The following ST18 variants were observed in gnomAD, a reference collection of about 807,000 sequenced individuals.
ST18 encodes ST18 C2H2C-type zinc finger transcription factor.
A neutral mutation model predicts 110.0 loss-of-function variants in ST18; 50 were observed. The observed-to-expected ratio is 0.45, with a 90% confidence interval of 0.36 to 0.58. The LOEUF (loss-of-function observed/expected upper bound fraction) is 0.58. ST18 is among the 20% of genes least tolerant of loss of function. The probability of loss-of-function intolerance (pLI) is 0.00; values close to 1 mark genes in which losing one functional copy is unlikely to be tolerated. For missense variants in ST18, 1,306 were observed against 1,280.1 expected, an observed-to-expected ratio of 1.02 and a Z score of -0.31; for synonymous variants, 461 against 452.4, an observed-to-expected ratio of 1.02 and a Z score of -0.24.
chr8:52,211,925 C>T (rs1588569053), intron 8 of ST18, among the ~76,000 whole-genome samples, 154 bp downstream of exon 8: 2 of 152,138 alleles, frequency 1.3e-5, no homozygotes, highest in African/African-American at 2.4e-5. Context: ...CATTCTCCTC[C>T]GCCTTCTTGG....
chr8:52,161,874 T>C (rs1160597872), intron 13 of ST18, among the ~76,000 whole-genome samples: 4 of 152,214 alleles, frequency 2.6e-5, no homozygotes, highest in Non-Finnish European at 5.9e-5. Flanking sequence ...TGAGCAGATA[T>C]TTGATGCTTA....
chr8:52,347,215 T>C (rs1009022642), intron 2 of ST18, among the ~76,000 whole-genome samples: 2 of 152,208 alleles, frequency 1.3e-5, no homozygotes, highest in Non-Finnish European at 2.9e-5. Context: ...ATAATATAAA[T>C]AGTAAATCTG....
intron 2 of ST18, among the ~76,000 whole-genome samples, chr8:52,241,329 A>C (rs1241851852): frequency 6.6e-6 from 1 of 152,242 alleles, no homozygotes; most frequent in African/African-American, 2.4e-5. Flanking sequence ...TGTTTCCTCT[A>C]AACAAAGGTG....
chr8:52,257,254 G>A (rs560732062), intron 2 of ST18, among the ~76,000 whole-genome samples: 1 of 152,270 alleles, frequency 6.6e-6, no homozygotes, highest in African/African-American at 2.4e-5. Context: ...TCATGTACAA[G>A]TGTTTGTGTG....
intron 19 of ST18, among the ~76,000 whole-genome samples, chr8:52,135,568 C>CAA (rs71252929): frequency 6.4e-3 from 351 of 54,932 alleles, no homozygotes; most frequent in Non-Finnish European, 8.3e-3. Context: ...AACTCCATCT[C>CAA]AAAAAAAAAA....
intron 2 of ST18, among the ~76,000 whole-genome samples, chr8:52,369,832 A>G (rs1406723393): frequency 2.0e-5 from 3 of 152,208 alleles, no homozygotes; most frequent in Non-Finnish European, 2.9e-5. Flanking sequence ...AATAATTGCC[A>G]TCCCTGCTTA....
At chr8:52,361,755 T>C (rs998046739) in intron 2 of ST18, among the ~76,000 whole-genome samples, 2 of 152,158 alleles carry the variant, frequency 1.3e-5, no homozygotes, top group Non-Finnish European at 2.9e-5. Flanking sequence ...GAACAAATGT[T>C]TTAATTATTT....
At chr8:52,279,795 C>T (rs1200751946) in intron 2 of ST18, among the ~76,000 whole-genome samples, 1 of 152,140 alleles carries the variant, frequency 6.6e-6, no homozygotes, top group East Asian at 1.9e-4. Context: ...TCTGTCTTCA[C>T]TATCTTCAAA....
chr8:52,271,675 C>T (rs1177671679), intron 2 of ST18, among the ~76,000 whole-genome samples: 1 of 152,184 alleles, frequency 6.6e-6, no homozygotes, highest in African/African-American at 2.4e-5. Context: ...ATTTATCTTC[C>T]TTCCTAACAT....
intron 2 of ST18, among the ~76,000 whole-genome samples, chr8:52,252,116 A>C (rs188126358): frequency 1.2e-4 from 18 of 152,172 alleles, no homozygotes; most frequent in African/African-American, 4.1e-4. Context: ...AATAGCTATA[A>C]ATTTTGTTTA....
At chr8:52,131,582 C>T (rs80203974) in intron 22 of ST18, among the ~76,000 whole-genome samples, 2,381 of 152,148 alleles carry the variant, frequency 0.016, 52 homozygotes, top group African/African-American at 0.054. Flanking sequence ...AGAGGGAATG[C>T]TATAAATATG....
intron 2 of ST18, among the ~76,000 whole-genome samples, chr8:52,316,677 T>C (rs1218287999): frequency 1.3e-5 from 2 of 152,260 alleles, no homozygotes; most frequent in Non-Finnish European, 2.9e-5. Context: ...CACTATCACC[T>C]ATGTATAGAG....
chr8:52,367,403 T>C (rs893969414), intron 2 of ST18, among the ~76,000 whole-genome samples: 16 of 151,932 alleles, frequency 1.1e-4, no homozygotes, highest in African/African-American at 2.4e-4. Context: ...GCCTGGGCAA[T>C]AGAGTGAGAC....
At chr8:52,331,518 A>C (rs191999459) in intron 2 of ST18, among the ~76,000 whole-genome samples, 2 of 152,250 alleles carry the variant, frequency 1.3e-5, no homozygotes, top group Non-Finnish European at 2.9e-5. Flanking sequence ...GCAATGAGAA[A>C]CGAAAAGGGA....
intron 2 of ST18, among the ~76,000 whole-genome samples, chr8:52,305,783 ACC>A (rs1466317248): frequency 2.0e-5 from 3 of 152,176 alleles, no homozygotes; most frequent in Non-Finnish European, 4.4e-5. Flanking sequence ...ATGCCCATCT[ACC>A]ACCATGGTGC....
chr8:52,165,540 G>A (rs989829555), intron 11 of ST18, among the ~76,000 whole-genome samples: 1 of 152,212 alleles, frequency 6.6e-6, no homozygotes, highest in African/African-American at 2.4e-5. Context: ...TTCCCTGGGG[G>A]ATGGATGGAG....
chr8:52,213,809 G>A (rs994875164), intron 7 of ST18, among the ~76,000 whole-genome samples: 2 of 152,208 alleles, frequency 1.3e-5, no homozygotes, highest in African/African-American at 4.8e-5. Flanking sequence ...CACTAAACCA[G>A]ATAACATAAA....
rs1313543355 is a variant in ST18 at position 52,175,033 on chromosome 8, C to A, written c.278-2450G>T. ...TCTGCCACTGAACTGACCTAAAAAG[C>A]CCTGTTGTTAGCATCAGGTGGACCT... On this transcript the variant is annotated intron_variant, in intron 9 of 25. Coordinates refer to ENST00000689386, the MANE Select transcript of ST18 (RefSeq NM_001352837.2). Among the ~76,000 whole-genome samples the A allele has an allele frequency of 2.0e-5, 3 of 152,240 alleles. No homozygotes were observed. The East Asian group carries it at 5.8e-4, about 29-fold the overall frequency.
intron 2 of ST18, among the ~76,000 whole-genome samples, chr8:52,239,901 C>T (rs1358051527): frequency 2.6e-5 from 4 of 152,118 alleles, no homozygotes; most frequent in Non-Finnish European, 5.9e-5. Context: ...TCAAGCAATC[C>T]TCCCACCTCA....
Sources: gnomAD v4.1 joint callset for allele counts (sites outside exome capture counted in the v4.1 genomes callset) on GRCh38, gnomAD v4.1.1 for gene constraint, MANE v1.5 for transcripts, NCBI Gene and HGNC (gene_info 2026-07-23, HGNC 2026-07-21) for gene names.